Variants in TECTA observed in about 807,000 individuals in gnomAD.
TECTA encodes the protein tectorin alpha.
TECTA carries 128 observed loss-of-function variants against 216.8 expected under a neutral mutation model. That is an observed-to-expected ratio of 0.59 (90% CI 0.51 to 0.68). The LOEUF (loss-of-function observed/expected upper bound fraction) is 0.68. TECTA is among the 30% of genes least tolerant of loss of function. The pLI, the probability that TECTA is intolerant of heterozygous loss-of-function variation, is 0.00. For synonymous variants in TECTA, 1,089 were observed against 1,117.1 expected (o/e 0.97, Z 0.50); for missense variants, 2,551 against 2,786.2 (o/e 0.92, Z 1.90).
In TECTA at chr11:121,125,655, T is replaced by C; in HGVS notation, c.1557T>C (p.Phe519=). The C allele has an allele frequency of 5.6e-6, 9 of 1,610,944 alleles. No homozygotes were observed. The highest frequency in any genetic ancestry group is 7.6e-6 in the Non-Finnish European group (9 of 1,177,322). The part of the protein sequence containing the change: ...QCDAATEALY[F]GSDYCGFLNK... Reference sequence around the variant, plus strand: ...ACGCTGCCACTGAAGCCCTCTACTTTGGCTCTGACTACTGCGGCTTCCTCA... The same window carrying C: ...ACGCTGCCACTGAAGCCCTCTACTTCGGCTCTGACTACTGCGGCTTCCTCA... Residue 519 remains phenylalanine, a synonymous_variant, in exon 8 of 24, where the codon TTT becomes TTC. Coordinates refer to ENST00000392793, the MANE Select transcript of TECTA (RefSeq NM_005422.4).
At position 121,125,518 on chromosome 11, in the gene TECTA, C is replaced by T. The variant is rs756326790; in HGVS notation, c.1420C>T (p.Arg474Cys). Residue 474 changes from arginine (R) to cysteine (C), a missense_variant, in exon 8 of 24, where the codon CGC becomes TGC. Arg to Cys is a radical substitution (Grantham distance 180). This residue lies in a region of TECTA where 2,375 missense variants were observed against 2,563.9 expected (regional missense o/e 0.93). Transcript: ENST00000392793. ...YNKNPLDDFL[R>C]PDGRPAMSVL... Reference sequence around the variant, plus strand: ...TAAAAACCCACTGGATGACTTCCTCCGCCCGGATGGCAGGCCGGCCATGTC... The same window carrying T: ...TAAAAACCCACTGGATGACTTCCTCTGCCCGGATGGCAGGCCGGCCATGTC... The T allele has an allele frequency of 2.1e-5, 34 of 1,614,064 alleles. No individual in the cohort carries two copies. Among genetic ancestry groups the T allele is most frequent in the Middle Eastern group, 1.6e-4 (1 of 6,084 alleles).
At chr11:121,167,890 T>C (rs921493223) in intron 18 of TECTA, among the ~76,000 whole-genome samples, 164 bp from the exon 19 acceptor site, 4 of 152,142 alleles carry the variant, frequency 2.6e-5, no homozygotes, top group African/African-American at 9.7e-5. Flanking sequence ...ATACTTTTTT[T>C]TCCCCCAAGT....
intron 13 of TECTA, among the ~76,000 whole-genome samples, chr11:121,155,595 T>C (rs1401170886): frequency 1.3e-5 from 2 of 152,172 alleles, no homozygotes; most frequent in Non-Finnish European, 2.9e-5. Context: ...TGAATCTGAG[T>C]CATATCTGTA....
At chr11:121,134,325 C>CCACGCACACACACACACACA (rs1555124742) in intron 10 of TECTA, among the ~76,000 whole-genome samples, 3 of 146,864 alleles carry the variant, frequency 2.0e-5, no homozygotes, top group African/African-American at 7.7e-5. Context: ...AAAACCAACA[C>CCACGCACACACACACACACA]CACACACACA....
rs750591748 is a variant in TECTA at position 121,189,119 on chromosome 11, A to G, written c.6202A>G (p.Lys2068Glu). Reference sequence around the variant, plus strand: ...TTCCAGGATTGCCACAGATTACACAAAAGAGCCCAAAGAACAGATCATTTC... The same window carrying G: ...TTCCAGGATTGCCACAGATTACACAGAAGAGCCCAAAGAACAGATCATTTC... ...HNSRIATDYT[K>E]EPKEQIISVG... is the part of the protein sequence containing the mutation. Residue 2068 changes from lysine to glutamate, a missense_variant, in exon 22 of 24, where the codon AAA (lysine) becomes GAA (glutamate). Coordinates refer to ENST00000392793, the MANE Select transcript of TECTA (RefSeq NM_005422.4). The G allele has an allele frequency of 1.7e-5, 27 of 1,614,054 alleles. No homozygotes were observed. The highest frequency in any genetic ancestry group is 1.9e-5 in the Non-Finnish European group (23 of 1,180,026).
chr11:121,186,663 C>G (rs1947291615), intron 20 of TECTA, among the ~76,000 whole-genome samples: 1 of 152,194 alleles, frequency 6.6e-6, no homozygotes, highest in African/African-American at 2.4e-5. Context: ...GAGGCTATTG[C>G]CTTGAAAAGC....
chr11:121,127,624 T>C lies in TECTA; in HGVS notation c.1775-128T>C. ...TTACAGATACAACCTCAATTCTGTC[T>C]TCCCCGAGTGGCCGCTTGACCCTCA... On this transcript the variant is annotated intron_variant, in intron 8 of 23. Coordinates refer to ENST00000392793, the MANE Select transcript of TECTA (RefSeq NM_005422.4). This position sits in a 1 kb window ranked among gnomAD's most constrained non-coding sequence, Gnocchi z 5.0. 9.6e-7 allele frequency: 1 copy of C among 1,039,824 alleles called. No individual in the cohort carries two copies. 64.4% of individuals were successfully genotyped at this position (1,039,824 alleles called of 1,614,324 possible). A position where few individuals can be genotyped will look rare whatever the true frequency, so the allele number is the denominator to read the frequency against.
At chr11:121,125,249 C>G in intron 7 of TECTA, 53 bp from the exon 8 acceptor site, 1 of 1,570,106 alleles carries the variant, frequency 6.4e-7, no homozygotes, top group Non-Finnish European at 8.7e-7. Flanking sequence ...TCTGCTGGAA[C>G]CCAGTGCCTG....
Position 121,160,286 on chromosome 11 carries a change from T to A in TECTA, c.4841T>A (p.Leu1614Gln). The change falls in exon 15 of 24, where the codon CTG (leucine) becomes CAG (glutamine). Residue 1614 changes from leucine (L) to glutamine (Q), a missense_variant. By Grantham distance (113) the Leu-to-Gln change is moderately radical. Around this residue, in one of 3 missense-constraint regions of TECTA, gnomAD observed 2,375 missense variants for 2,563.9 expected, o/e 0.93. Coordinates refer to ENST00000392793, the MANE Select transcript of TECTA (RefSeq NM_005422.4). ...NVIKISISER[L>Q]QNKVCGLCGN... ...ATTAAAATCAGCATCAGCGAGAGGC[T>A]GCAGAACAAAGTGTGCGGTCTCTGT... 1 of 1,614,198 alleles carries A rather than the reference T, an allele frequency of 6.2e-7. No individual in the cohort carries two copies. The highest frequency in any genetic ancestry group is 8.5e-7 in the Non-Finnish European group (1 of 1,180,028).
chr11:121,111,798 C>G (rs990612715), intron 4 of TECTA, among the ~76,000 whole-genome samples: 1 of 152,232 alleles, frequency 6.6e-6, no homozygotes, highest in East Asian at 1.9e-4. Context: ...GTCCCACTGT[C>G]CTCTTCTGTT....
intron 7 of TECTA, among the ~76,000 whole-genome samples, chr11:121,119,707 T>TA (rs1946538425): frequency 6.6e-6 from 1 of 152,172 alleles, no homozygotes; most frequent in South Asian, 2.1e-4. Flanking sequence ...ATTTCTTTTT[T>TA]AAAAAAATGT....
Position 121,187,967 on chromosome 11 carries a change from C to T in TECTA, c.6135C>T (p.Cys2045=), listed in dbSNP as rs139552118. 161 of 1,614,172 alleles carry T rather than the reference C, an allele frequency of 1.0e-4. No homozygotes were observed. Among genetic ancestry groups the T allele is most frequent in the East Asian group, 2.2e-4 (10 of 44,882 alleles). Residue 2045 remains cysteine, a synonymous_variant, in exon 21 of 24, where the codon TGC becomes TGT. Transcript: ENST00000392793. ...EVHLHCAVSL[C]DSEKYSCKIT... is the part of the protein sequence containing the mutation. ...ACCTTCACTGTGCAGTGTCACTCTG[C>T]GACTCAGAAAAGTACTCCTGTAAAA...
At chr11:121,112,648 G>A (rs942822447) in intron 4 of TECTA, among the ~76,000 whole-genome samples, 17 of 152,192 alleles carry the variant, frequency 1.1e-4, no homozygotes, top group Non-Finnish European at 5.9e-5. Context: ...CACACGGACT[G>A]GTATCTGCTC....
At chr11:121,169,960 C>G (rs1466228814) in intron 20 of TECTA, among the ~76,000 whole-genome samples, 1 of 152,128 alleles carries the variant, frequency 6.6e-6, no homozygotes, top group Non-Finnish European at 1.5e-5. Flanking sequence ...GAACTTATTC[C>G]TTTTATCTAA....
intron 6 of TECTA, 150 bp from the exon 7 acceptor site, chr11:121,118,156 T>C: frequency 7.2e-6 from 7 of 978,174 alleles, no homozygotes; most frequent in Non-Finnish European, 1.1e-5. Context: ...AGGCTCAGTT[T>C]CCTCATTTGT....
In TECTA at chr11:121,131,213, C is replaced by CAAAA. The variant is rs10683692; in HGVS notation, c.2941+1021_2941+1024dup. Reference sequence around the variant, plus strand: ...TGGGCGACAGAGCAAGACTCCATCTCAAAAAAAAAAAAAAAAAAAAAAGGA... The same window carrying CAAAA: ...TGGGCGACAGAGCAAGACTCCATCTCAAAAAAAAAAAAAAAAAAAAAAAAAAGGA... On this transcript the variant is annotated intron_variant, in intron 10 of 23. Coordinates refer to ENST00000392793, the MANE Select transcript of TECTA (RefSeq NM_005422.4). Among the ~76,000 whole-genome samples, 150 of 70,596 alleles carry CAAAA rather than the reference C, an allele frequency of 2.1e-3. 3 individuals carry two copies. The highest frequency in any genetic ancestry group is 7.7e-3 in the Middle Eastern group (1 of 130). The allele number at this position is 70,596 out of a possible 152,430, so 46.3% of individuals were successfully genotyped here.
intron 20 of TECTA, among the ~76,000 whole-genome samples, chr11:121,183,431 T>C (rs1306048533): frequency 6.6e-6 from 1 of 152,190 alleles, no homozygotes. Flanking sequence ...ATGGCTAGCA[T>C]TACGAAAGTC....
Position 121,157,915 on chromosome 11 carries a change from C to T in TECTA, c.4380C>T (p.Asp1460=). ...RCFRRNVIQC[D]PRQCKSDEEC... ...TCCGTCGCAACGTGATTCAGTGCGA[C>T]CCGCGCCAATGCAAGTCAGACGAGG... Residue 1460 remains aspartate (D), a synonymous_variant, in exon 14 of 24, where the codon GAC becomes GAT. Coordinates refer to ENST00000392793, the MANE Select transcript of TECTA (RefSeq NM_005422.4). The T allele has an allele frequency of 1.9e-6, 3 of 1,614,204 alleles. No homozygotes were observed. Among genetic ancestry groups the T allele is most frequent in the Non-Finnish European group, 1.7e-6 (2 of 1,180,032 alleles).
intron 12 of TECTA, among the ~76,000 whole-genome samples, chr11:121,147,733 C>G (rs1306230145): frequency 1.3e-5 from 2 of 152,084 alleles, no homozygotes; most frequent in African/African-American, 2.4e-5. Context: ...TGCTGTTTCC[C>G]CTTGAGACAT....
Sources: allele counts gnomAD v4.1 joint callset (sites outside exome capture counted in the v4.1 genomes callset), GRCh38; gene constraint gnomAD v4.1.1; regional missense constraint gnomAD v4.1.1; non-coding constraint Gnocchi (gnomAD v3.1); transcripts MANE v1.5; gene names NCBI Gene and HGNC (gene_info 2026-07-23, HGNC 2026-07-21).